Variants in FRMD4B observed in about 807,000 individuals in gnomAD.
FRMD4B encodes the protein FERM domain containing 4B.
In FRMD4B, 74 loss-of-function variants were observed where a neutral mutation model predicts 141.5. That is an observed-to-expected ratio of 0.52 (90% confidence interval 0.43 to 0.63). The LOEUF (loss-of-function observed/expected upper bound fraction) is 0.63. Among genes scored for constraint, FRMD4B ranks in the 30% least tolerant of loss-of-function variants. The probability of loss-of-function intolerance (pLI) is 0.00; values close to 1 mark genes in which losing one functional copy is unlikely to be tolerated. For missense variants in FRMD4B, 1,366 were observed against 1,253.4 expected, an observed-to-expected ratio of 1.09 and a Z score of -1.36; for synonymous variants, 506 against 467.9, an observed-to-expected ratio of 1.08 and a Z score of -1.05.
Position 69,281,200 on chromosome 3 carries a change from G to T in FRMD4B, c.501+6552C>A, listed in dbSNP as rs1415538207. Among the ~76,000 whole-genome samples the T allele has an allele frequency of 4.6e-5, 7 of 152,094 alleles. No individual in the cohort carries two copies. The South Asian group carries it at 1.0e-3, about 23-fold the overall frequency. On this transcript the variant is annotated intron_variant, in intron 5 of 22. Coordinates refer to ENST00000398540, the MANE Select transcript of FRMD4B (RefSeq NM_015123.3). ...CCGCCCACCTCAGCCTCCCAAAAGT[G>T]CCGGGATTACAGGTGTGAGCCACTG...
chr3:69,222,773 A>AAAACAAAAAACAAACAAAAAAC (rs11276497), intron 8 of FRMD4B, among the ~76,000 whole-genome samples: 1 of 151,914 alleles, frequency 6.6e-6, no homozygotes. Context: ...CTCCATCACA[A>AAAACAAAAAACAAACAAAAAAC]AAACAAAAAA....
At chr3:69,422,886 T>C (rs1705006557) in intron 2 of FRMD4B, among the ~76,000 whole-genome samples, 1 of 152,132 alleles carries the variant, frequency 6.6e-6, no homozygotes, top group South Asian at 2.1e-4. Flanking sequence ...TGCAGACCCC[T>C]ATGTCCTGAA....
intron 1 of FRMD4B, among the ~76,000 whole-genome samples, chr3:69,540,947 A>G (rs1285490186): frequency 6.6e-6 from 1 of 151,900 alleles, no homozygotes; most frequent in Non-Finnish European, 1.5e-5. Flanking sequence ...TCTCTAAACC[A>G]CCACTCTTCA....
At chr3:69,214,795 G>C (rs958996274) in intron 11 of FRMD4B, among the ~76,000 whole-genome samples, 2 of 152,096 alleles carry the variant, frequency 1.3e-5, no homozygotes, top group Non-Finnish European at 2.9e-5. Flanking sequence ...CAGGGAAATC[G>C]AGGCTGCAGT....
intron 1 of FRMD4B, among the ~76,000 whole-genome samples, chr3:69,379,283 T>C (rs1327004671): frequency 6.6e-6 from 1 of 152,168 alleles, no homozygotes; most frequent in Non-Finnish European, 1.5e-5. Context: ...AGTAATTATA[T>C]ATATATATTT....
At chr3:69,540,092 TTGA>T (rs1701149253) in intron 1 of FRMD4B, among the ~76,000 whole-genome samples, 1 of 150,150 alleles carries the variant, frequency 6.7e-6, no homozygotes. Context: ...ACAAGGGAGG[TTGA>T]GGGAAGAGAA....
At position 69,484,248 on chromosome 3, in the gene FRMD4B, G is replaced by A. The variant is rs1254448627; in HGVS notation, c.-128-51487C>T. 2.4e-4 allele frequency among the ~76,000 whole-genome samples: 36 copies of A among 152,202 alleles called. 1 individual carries two copies. Among genetic ancestry groups the A allele is most frequent in the Admixed American group, 2.4e-3 (36 of 15,286 alleles). ...GTTCAAGACAAAGAAGTGGTCATAA[G>A]CCTCTGTAAGATTGACTGCCCGGTC... On this transcript the variant is annotated intron_variant, in intron 1 of 5. Transcript: ENST00000459638.
At chr3:69,264,596 A>G (rs932539723) in intron 5 of FRMD4B, among the ~76,000 whole-genome samples, 2 of 152,180 alleles carry the variant, frequency 1.3e-5, no homozygotes, top group Non-Finnish European at 2.9e-5. Context: ...ATTCTAGATA[A>G]GCAAATTTAC....
intron 1 of FRMD4B, among the ~76,000 whole-genome samples, chr3:69,343,356 C>T (rs1702805888): frequency 6.6e-6 from 1 of 152,138 alleles, no homozygotes; most frequent in Non-Finnish European, 1.5e-5. Flanking sequence ...GCTAACACTC[C>T]ACTCTCGACA....
Position 69,490,657 on chromosome 3 carries a change from C to G in FRMD4B, c.-129+51549G>C, listed in dbSNP as rs73835874. 2.1e-3 allele frequency among the ~76,000 whole-genome samples: 317 copies of G among 152,288 alleles called. 1 individual carries two copies. Among genetic ancestry groups the G allele is most frequent in the African/African-American group, 7.3e-3 (303 of 41,558 alleles). On this transcript the variant is annotated intron_variant, in intron 1 of 5. Coordinates refer to the FRMD4B transcript ENST00000459638. ...TGTCATGGCAAGTACCTAACAGTAGCTTCTGTCTTGGTTTCCATATTCCCA... is the reference window on the plus strand; with the variant it reads ...TGTCATGGCAAGTACCTAACAGTAGGTTCTGTCTTGGTTTCCATATTCCCA...
chr3:69,512,780 G>A (rs1280375826), intron 1 of FRMD4B, among the ~76,000 whole-genome samples: 1 of 152,130 alleles, frequency 6.6e-6, no homozygotes, highest in East Asian at 1.9e-4. Flanking sequence ...TTGGAGGAAT[G>A]TTCCATCATT....
intron 5 of FRMD4B, among the ~76,000 whole-genome samples, chr3:69,275,438 CTCTCT>C (rs900139740): frequency 8.8e-5 from 3 of 34,014 alleles, no homozygotes; most frequent in African/African-American, 1.2e-4. Context: ...CTCTCTCTCT[CTCTCT>C]TTTTTTTTTT....
rs148357826 is a variant in FRMD4B at position 69,503,604 on chromosome 3, C to G, written c.-129+38602G>C. On this transcript the variant is annotated intron_variant, in intron 1 of 5. Coordinates refer to the FRMD4B transcript ENST00000459638. ...AATGTAAATGAAGAGTTAATGGGTG[C>G]AGCACACTAATATGGCACATGTATT... is the stretch of plus-strand genomic sequence containing the variant. Among the ~76,000 whole-genome samples the G allele has an allele frequency of 3.8e-4, 58 of 152,036 alleles. 2 individuals are homozygous for G. The highest frequency in any genetic ancestry group is 1.1e-3 in the African/African-American group (46 of 41,484).
At chr3:69,189,726 G>A (rs994492796) in intron 18 of FRMD4B, among the ~76,000 whole-genome samples, 170 bp downstream of exon 18, 2 of 152,194 alleles carry the variant, frequency 1.3e-5, no homozygotes, top group East Asian at 3.8e-4. Flanking sequence ...GTTAACCTGA[G>A]TAGGTGTTAA....
intron 1 of FRMD4B, among the ~76,000 whole-genome samples, chr3:69,493,359 G>A (rs1021766770): frequency 3.0e-4 from 45 of 152,178 alleles, no homozygotes; most frequent in Admixed American, 2.7e-3. Context: ...TCAAGGCCAC[G>A]TGGGAGCAAT....
chr3:69,367,985 T>C (rs1449920591), intron 1 of FRMD4B, among the ~76,000 whole-genome samples: 1 of 152,256 alleles, frequency 6.6e-6, no homozygotes. Context: ...ATTTCACCTA[T>C]ATGACATATA....
At chr3:69,221,474 C>G (rs1328858167) in intron 9 of FRMD4B, among the ~76,000 whole-genome samples, 1 of 152,112 alleles carries the variant, frequency 6.6e-6, no homozygotes, top group African/African-American at 2.4e-5. Flanking sequence ...AATTACTTCC[C>G]AATGAGATAA....
chr3:69,233,975 A>C (rs1298646610), intron 7 of FRMD4B, among the ~76,000 whole-genome samples: 1 of 152,158 alleles, frequency 6.6e-6, no homozygotes, highest in Non-Finnish European at 1.5e-5. Context: ...GGCCAGGCGT[A>C]GTAGCTCATG....
intron 1 of FRMD4B, among the ~76,000 whole-genome samples, chr3:69,327,373 C>T (rs541853485): frequency 4.8e-4 from 73 of 152,256 alleles, no homozygotes; most frequent in African/African-American, 9.9e-4. Context: ...TGCCTATTCA[C>T]GGTATAATAC....
Sources: allele counts gnomAD v4.1 joint callset (sites outside exome capture counted in the v4.1 genomes callset), GRCh38; gene constraint gnomAD v4.1.1; transcripts MANE v1.5; gene names NCBI Gene and HGNC (gene_info 2026-07-23, HGNC 2026-07-21).